PRKCE: variants seen among roughly 807,000 people sequenced by gnomAD.
The protein encoded by PRKCE is protein kinase C epsilon type.
In PRKCE, 16 loss-of-function variants were observed where a neutral mutation model predicts 85.4. The observed-to-expected ratio is 0.19, with a 90% confidence interval of 0.13 to 0.28. The LOEUF (loss-of-function observed/expected upper bound fraction) is 0.28. Among genes scored for constraint, PRKCE ranks in the 10% least tolerant of loss-of-function variants. The pLI, the probability that PRKCE is intolerant of heterozygous loss-of-function variation, is 1.00. For missense variants in PRKCE, 573 were observed against 975.2 expected (o/e 0.59, Z 5.49); for synonymous variants, 388 against 371.5 (o/e 1.04, Z -0.51).
In PRKCE at chr2:45,781,186, A is replaced by T. The variant is rs55740218; in HGVS notation, c.349-61814A>T. On this transcript the variant is annotated intron_variant, in intron 1 of 14. Transcript: ENST00000306156. Reference sequence around the variant, plus strand: ...CCCCATCTCTACAAAATAATAATAAAAAAAAAAGCCTGGTGTGGAGTATGT... The same window carrying T: ...CCCCATCTCTACAAAATAATAATAATAAAAAAAGCCTGGTGTGGAGTATGT... Among the ~76,000 whole-genome samples, 519 of 152,056 alleles carry T rather than the reference A, an allele frequency of 3.4e-3. 3 individuals are homozygous for T. The highest frequency in any genetic ancestry group is 0.012 in the East Asian group (64 of 5,166).
intron 1 of PRKCE, among the ~76,000 whole-genome samples, chr2:45,838,139 A>G (rs1229719501): frequency 6.6e-6 from 1 of 152,116 alleles, no homozygotes; most frequent in African/African-American, 2.4e-5. Flanking sequence ...TGTCTGAGGT[A>G]TTGCTGTGCC....
intron 14 of PRKCE, among the ~76,000 whole-genome samples, chr2:46,164,261 A>G (rs569632739): frequency 6.6e-6 from 1 of 152,294 alleles, no homozygotes; most frequent in Non-Finnish European, 1.5e-5. Flanking sequence ...AAGGCAAGAC[A>G]CCGTGAGAAG....
At chr2:45,971,159 G>T (rs557057423) in intron 2 of PRKCE, among the ~76,000 whole-genome samples, 3 of 152,172 alleles carry the variant, frequency 2.0e-5, no homozygotes, top group Non-Finnish European at 2.9e-5. Context: ...CCTTTTACTA[G>T]TATCTCCCTG....
chr2:45,825,855 T>C (rs1159994103), intron 1 of PRKCE, among the ~76,000 whole-genome samples: 1 of 151,946 alleles, frequency 6.6e-6, no homozygotes, highest in Admixed American at 6.6e-5. Context: ...ACCACTGCTT[T>C]CCAGCCTGGG....
intron 1 of PRKCE, among the ~76,000 whole-genome samples, chr2:45,753,037 C>A (rs1288054466): frequency 6.6e-6 from 1 of 152,098 alleles, no homozygotes; most frequent in African/African-American, 2.4e-5. Context: ...GTTTCTTCTC[C>A]CCATCAACTT....
At chr2:45,965,319 A>G (rs1192924859) in intron 2 of PRKCE, among the ~76,000 whole-genome samples, 1 of 152,214 alleles carries the variant, frequency 6.6e-6, no homozygotes, top group Non-Finnish European at 1.5e-5. Context: ...AAACATTATC[A>G]TCTATTGTTC....
chr2:46,078,552 A>AAAT (rs1553339813), intron 10 of PRKCE, among the ~76,000 whole-genome samples: 6 of 151,200 alleles, frequency 4.0e-5, no homozygotes, highest in African/African-American at 9.7e-5. Flanking sequence ...AAAAAAAAAA[A>AAAT]AATAAGATTT....
At chr2:46,021,701 C>G (rs539467796) in intron 10 of PRKCE, among the ~76,000 whole-genome samples, 1 of 152,338 alleles carries the variant, frequency 6.6e-6, no homozygotes, top group African/African-American at 2.4e-5. Context: ...AAAGTTTCAT[C>G]TTGAAATCTA....
At chr2:46,108,960 CT>C (rs34013455) in intron 11 of PRKCE, among the ~76,000 whole-genome samples, 56,316 of 151,434 alleles carry the variant, frequency 0.37, 12,043 homozygotes, top group East Asian at 0.53. Flanking sequence ...CAAGACTGTT[CT>C]TTTTTTATTG....
chr2:46,126,532 G>C (rs1673876074), intron 11 of PRKCE, among the ~76,000 whole-genome samples: 1 of 152,146 alleles, frequency 6.6e-6, no homozygotes, highest in Non-Finnish European at 1.5e-5. Context: ...ACAGACAGAG[G>C]AAACAGTTCA....
intron 10 of PRKCE, among the ~76,000 whole-genome samples, chr2:46,065,118 C>G (rs189650051): frequency 4.6e-5 from 7 of 152,264 alleles, no homozygotes; most frequent in African/African-American, 1.7e-4. Context: ...TACCAAGCTT[C>G]TTTTCTGCAA....
At chr2:45,667,951 C>A (rs10179555) in intron 1 of PRKCE, among the ~76,000 whole-genome samples, 20,241 of 152,156 alleles carry the variant, frequency 0.13, 2,329 homozygotes, top group African/African-American at 0.32. Context: ...AGTTGTGTAA[C>A]CTCTCTGAGG....
intron 10 of PRKCE, among the ~76,000 whole-genome samples, chr2:46,038,247 G>C (rs1423744329): frequency 6.6e-6 from 1 of 152,120 alleles, no homozygotes; most frequent in Non-Finnish European, 1.5e-5. Context: ...GGCAGCAAAC[G>C]CCACACTATT....
intron 10 of PRKCE, among the ~76,000 whole-genome samples, chr2:46,038,123 G>T (rs909358576): frequency 7.9e-5 from 12 of 152,070 alleles, no homozygotes; most frequent in Admixed American, 3.3e-4. Flanking sequence ...GCCTGGCTGG[G>T]GGCCCTTCCT....
intron 11 of PRKCE, among the ~76,000 whole-genome samples, chr2:46,114,450 C>T (rs1672567647): frequency 9.3e-6 from 1 of 108,082 alleles, no homozygotes; most frequent in African/African-American, 3.7e-5. Context: ...CAGAGTCTTG[C>T]TCTGTCGCCC....
chr2:45,854,898 T>C (rs1298655775), intron 2 of PRKCE, among the ~76,000 whole-genome samples: 1 of 152,202 alleles, frequency 6.6e-6, no homozygotes, highest in Non-Finnish European at 1.5e-5. Flanking sequence ...CAAGGAGTTA[T>C]AGGGAGGCAG....
chr2:46,000,750 T>C lies in PRKCE; in HGVS notation c.824-654T>C, dbSNP rs370495477. Among the ~76,000 whole-genome samples, 173 of 152,316 alleles carry C rather than the reference T, an allele frequency of 1.1e-3. 2 individuals carry two copies. The highest frequency in any genetic ancestry group is 3.8e-3 in the African/African-American group (156 of 41,556). ...GCTTGTCTGCTCTGAGCCCATTTGT[T>C]GGTTACAGTTACAGTTTTTCTACCC... On this transcript the variant is annotated intron_variant, in intron 6 of 14. Coordinates refer to ENST00000306156, the MANE Select transcript of PRKCE (RefSeq NM_005400.3).
chr2:45,952,670 G>A (rs1700705487), intron 2 of PRKCE, among the ~76,000 whole-genome samples: 2 of 152,156 alleles, frequency 1.3e-5, no homozygotes, highest in Non-Finnish European at 2.9e-5. Context: ...CTCACCACAG[G>A]ATTCCCTTAT....
At chr2:45,878,127 A>G (rs1027982412) in intron 2 of PRKCE, among the ~76,000 whole-genome samples, 3 of 152,252 alleles carry the variant, frequency 2.0e-5, no homozygotes, top group African/African-American at 7.2e-5. Context: ...TTCCCTGGCA[A>G]TGCTCATCAC....
Sources: allele counts gnomAD v4.1 joint callset (sites outside exome capture counted in the v4.1 genomes callset), GRCh38; gene constraint gnomAD v4.1.1; transcripts MANE v1.5; gene names NCBI Gene and HGNC (gene_info 2026-07-23, HGNC 2026-07-21).